The following DISC1 variants were observed in gnomAD, a reference collection of about 807,000 sequenced individuals.
The protein encoded by DISC1 is DISC1 scaffold protein.
A neutral mutation model predicts 84.5 loss-of-function variants in DISC1; 57 were observed. The observed-to-expected ratio is 0.67, with a 90% CI of 0.55 to 0.84. The LOEUF (loss-of-function observed/expected upper bound fraction) is 0.84. DISC1 is among the 40% of genes least tolerant of loss of function. DISC1 has a pLI of 0.00. For missense variants in DISC1, 1,000 were observed against 1,057.8 expected (o/e 0.95, Z 0.76); for synonymous variants, 411 against 415.2 (o/e 0.99, Z 0.12).
chr1:231,896,833 G>C (rs2087730434), intron 9 of DISC1, among the ~76,000 whole-genome samples: 1 of 152,152 alleles, frequency 6.6e-6, no homozygotes, highest in Non-Finnish European at 1.5e-5. Flanking sequence ...TCAAATAGAG[G>C]CGCCACTGCT....
chr1:231,800,984 G>T (rs2079187150), intron 8 of DISC1, among the ~76,000 whole-genome samples: 1 of 151,910 alleles, frequency 6.6e-6, no homozygotes, highest in Non-Finnish European at 1.5e-5. Context: ...GAGTTTTATA[G>T]GTTGAATGGA....
At chr1:231,691,806 G>A (rs529320048) in intron 1 of DISC1, among the ~76,000 whole-genome samples, 14 of 152,234 alleles carry the variant, frequency 9.2e-5, no homozygotes, top group African/African-American at 3.1e-4. Context: ...GCCTCTCTCT[G>A]CCCCCTCCTA....
At chr1:231,636,667 C>T (rs823162) in intron 1 of DISC1, among the ~76,000 whole-genome samples, 143,983 of 152,232 alleles carry the variant, frequency 0.95, 68,169 homozygotes, top group East Asian at 0.99. Flanking sequence ...ACCCCTGTTT[C>T]TGCCATTTCA....
chr1:231,968,329 A>G (rs1304162200), intron 10 of DISC1, among the ~76,000 whole-genome samples: 2 of 151,916 alleles, frequency 1.3e-5, no homozygotes, highest in African/African-American at 4.8e-5. Context: ...GAAGCCGCCA[A>G]CCCCGAATTG....
At chr1:231,646,277 GT>G (rs879260601) in intron 1 of DISC1, among the ~76,000 whole-genome samples, 1 of 151,700 alleles carries the variant, frequency 6.6e-6, no homozygotes, top group Non-Finnish European at 1.5e-5. Context: ...CCTTGCGATA[GT>G]TTGCTGAGAA....
chr1:231,633,468 A>G (rs962914569), intron 1 of DISC1, among the ~76,000 whole-genome samples: 1 of 152,152 alleles, frequency 6.6e-6, no homozygotes, highest in Non-Finnish European at 1.5e-5. Flanking sequence ...GTTGTCCTGC[A>G]GGATTGGGAT....
chr1:231,673,404 A>G (rs1206704943), intron 1 of DISC1, among the ~76,000 whole-genome samples: 1 of 151,930 alleles, frequency 6.6e-6, no homozygotes. Context: ...AATGCACTAT[A>G]CCCTTGAACT....
rs1659097867 is a variant in DISC1, at chr1:231,954,643, G to A, written c.1982-4185G>A. 2.6e-5 allele frequency among the ~76,000 whole-genome samples: 4 copies of A among 152,146 alleles called. No homozygotes were observed. The highest frequency in any genetic ancestry group is 1.3e-4 in the Admixed American group (2 of 15,270). ...CTTGGAACCTTGCCTTACTACCATT[G>A]CCATTCTCATAGGTCCCTGCTCTAC... is the stretch of plus-strand genomic sequence containing the variant. On this transcript the variant is annotated intron_variant, in intron 9 of 12. Transcript: ENST00000439617. This position sits in a 1 kb window ranked among gnomAD's most constrained non-coding sequence, Gnocchi z 4.8.
chr1:231,824,387 C>T (rs1293164830), intron 9 of DISC1, among the ~76,000 whole-genome samples: 2 of 152,152 alleles, frequency 1.3e-5, no homozygotes, highest in African/African-American at 4.8e-5. Flanking sequence ...TCTTTTCCCT[C>T]AGGTTTTTCT....
chr1:231,757,451 A>G (rs16854914), intron 4 of DISC1, among the ~76,000 whole-genome samples: 5,454 of 152,260 alleles, frequency 0.036, 230 homozygotes, highest in African/African-American at 0.1. Flanking sequence ...TAAAAATCAC[A>G]ATTTAATTCA....
intron 9 of DISC1, among the ~76,000 whole-genome samples, chr1:231,889,212 A>G (rs1461827872): frequency 6.6e-6 from 1 of 152,194 alleles, no homozygotes; most frequent in Non-Finnish European, 1.5e-5. Context: ...CTGTTTGCCT[A>G]TTCCAGCCTC....
At chr1:231,717,659 C>T (rs2068946346) in intron 3 of DISC1, among the ~76,000 whole-genome samples, 1 of 152,156 alleles carries the variant, frequency 6.6e-6, no homozygotes, top group South Asian at 2.1e-4. Context: ...ATCACTCCAG[C>T]AATCTTCTCA....
chr1:231,894,778 T>TGC lies in DISC1; in HGVS notation c.1982-64049_1982-64048dup, dbSNP rs555360813. On this transcript the variant is annotated intron_variant, in intron 9 of 12. Transcript: ENST00000439617. ...GTGTGTGTGTGTGTGTGTGTGTGTG[T>TGC]GCATCTTTTTATAAGTCCCCATACT... Among the ~76,000 whole-genome samples the TGC allele has an allele frequency of 2.3e-3, 323 of 139,310 alleles. 2 individuals carry two copies. The highest frequency in any genetic ancestry group is 8.0e-3 in the African/African-American group (309 of 38,426). 91.4% of individuals were successfully genotyped at this position (139,310 alleles called of 152,430 possible). A position where few individuals can be genotyped will look rare whatever the true frequency, so the allele number is the denominator to read the frequency against.
At chr1:231,720,636 G>A (rs2069540736) in intron 3 of DISC1, among the ~76,000 whole-genome samples, 2 of 152,066 alleles carry the variant, frequency 1.3e-5, no homozygotes, top group African/African-American at 2.4e-5. Flanking sequence ...TGCTGCACTC[G>A]GCCTCTTCTC....
rs1049108805 is a variant in DISC1 at position 232,039,087 on chromosome 1, G to A, written c.*2256G>A. ...TTTTAATAATAAGTATAATTAGCTT[G>A]TTCCTGGACTTCATTTTCAATGATG... is the stretch of plus-strand genomic sequence containing the variant. On this transcript the variant is annotated 3_prime_UTR_variant, in exon 13 of 13. Coordinates refer to ENST00000439617, the MANE Select transcript of DISC1 (RefSeq NM_018662.3). 2 of 152,130 alleles carry A rather than the reference G, an allele frequency of 1.3e-5. No individual in the cohort carries two copies. Among genetic ancestry groups the A allele is most frequent in the East Asian group, 1.9e-4 (1 of 5,190 alleles). The allele number at this position is 152,130 out of a possible 1,614,324, so 9.4% of individuals were successfully genotyped here. A position where few individuals can be genotyped will look rare whatever the true frequency, so the allele number is the denominator to read the frequency against.
chr1:231,848,621 A>G (rs543059783), intron 9 of DISC1, among the ~76,000 whole-genome samples: 5 of 152,212 alleles, frequency 3.3e-5, no homozygotes, highest in Middle Eastern at 3.4e-3. Context: ...TACTTGGTCA[A>G]AGATAATCTT....
Position 232,009,169 on chromosome 1 carries a change from A to C in DISC1, c.2307+120A>C, listed in dbSNP as rs952193570. 7 of 1,481,236 alleles carry C rather than the reference A, an allele frequency of 4.7e-6. No homozygotes were observed. In the African/African-American group the frequency reaches 9.9e-5, roughly 21 times the overall value. The allele number at this position is 1,481,236 out of a possible 1,614,324, so 91.8% of individuals were successfully genotyped here. The stretch of plus-strand genomic sequence containing the variant: ...CTTCCCATTGAGCATATAAACTTTT[A>C]AAAGTTTCAATAACTCTTGAATATG... On this transcript the variant is annotated intron_variant, in intron 11 of 12. Coordinates refer to ENST00000439617, the MANE Select transcript of DISC1 (RefSeq NM_018662.3). This position sits in a 1 kb window ranked among gnomAD's most constrained non-coding sequence, Gnocchi z 4.6.
intron 12 of DISC1, among the ~76,000 whole-genome samples, chr1:232,026,997 C>T (rs901106088): frequency 6.6e-5 from 10 of 152,160 alleles, no homozygotes; most frequent in South Asian, 4.1e-4. Flanking sequence ...GTGATCCGCC[C>T]GCCTTGGCCT....
chr1:231,723,075 A>G, intron 3 of DISC1: 6 of 1,011,844 alleles, frequency 5.9e-6, no homozygotes, highest in Non-Finnish European at 7.1e-6. Context: ...TCCATGGGGG[A>G]TTAATTCCAG....
Sources: gnomAD v4.1 joint callset for allele counts (sites outside exome capture counted in the v4.1 genomes callset) on GRCh38, gnomAD v4.1.1 for gene constraint, Gnocchi (gnomAD v3.1) non-coding constraint, MANE v1.5 for transcripts, NCBI Gene and HGNC (gene_info 2026-07-23, HGNC 2026-07-21) for gene names.